Variants in OPCML observed in about 807,000 individuals in gnomAD.
The protein encoded by OPCML is opioid-binding protein/cell adhesion molecule.
OPCML carries 13 observed loss-of-function variants against 37.8 expected under a neutral mutation model. The ratio of observed to expected loss-of-function variants is 0.34; its 90% CI spans 0.22 to 0.55. OPCML has a LOEUF of 0.55. Among genes scored for constraint, OPCML ranks in the 20% least tolerant of loss-of-function variants. OPCML has a pLI of 0.91. For synonymous variants in OPCML, 176 were observed against 168.8 expected, an observed-to-expected ratio of 1.04 and a Z score of -0.33; for missense variants, 341 against 435.6, an observed-to-expected ratio of 0.78 and a Z score of 1.93.
At chr11:132,616,174 G>GTTTTAAA in intron 3 of OPCML, among the ~76,000 whole-genome samples, 2 of 152,284 alleles carry the variant, frequency 1.3e-5, no homozygotes, top group East Asian at 3.9e-4. Context: ...GGCTTTCAGT[G>GTTTTAAA]TGTTTTAAAA....
At chr11:133,331,476 T>C (rs181523507) in intron 1 of OPCML, among the ~76,000 whole-genome samples, 318 of 152,236 alleles carry the variant, frequency 2.1e-3, no homozygotes, top group Middle Eastern at 6.8e-3. Context: ...TTTTCTTATT[T>C]CTTTCTCATT....
intron 2 of OPCML, among the ~76,000 whole-genome samples, chr11:132,836,805 C>T (rs992569069): frequency 2.8e-4 from 43 of 152,106 alleles, no homozygotes; most frequent in African/African-American, 9.6e-4. Context: ...ATCTAGACCA[C>T]GGAAAAGAGC....
chr11:132,678,703 C>T (rs1942813933), intron 2 of OPCML, among the ~76,000 whole-genome samples: 1 of 152,082 alleles, frequency 6.6e-6, no homozygotes, highest in African/African-American at 2.4e-5. Flanking sequence ...ACAGAAAAAC[C>T]ATCAGTGGCT....
At chr11:133,378,962 GC>G (rs1944873094) in intron 1 of OPCML, among the ~76,000 whole-genome samples, 2 of 151,714 alleles carry the variant, frequency 1.3e-5, no homozygotes, top group South Asian at 4.2e-4. Context: ...TCACTATGTT[GC>G]CCAGGCTGGT....
intron 1 of OPCML, among the ~76,000 whole-genome samples, chr11:133,397,393 T>C (rs1565612746): frequency 6.6e-6 from 1 of 152,206 alleles, no homozygotes; most frequent in Non-Finnish European, 1.5e-5. Flanking sequence ...CTTTATTACA[T>C]TGGATAGAGA....
At chr11:132,969,747 T>A (rs1946298775) in intron 1 of OPCML, among the ~76,000 whole-genome samples, 1 of 152,204 alleles carries the variant, frequency 6.6e-6, no homozygotes, top group Admixed American at 6.5e-5. Flanking sequence ...AAATACAGAA[T>A]TTACCATTTG....
chr11:133,255,007 T>A (rs1000981187), intron 1 of OPCML, among the ~76,000 whole-genome samples: 28 of 152,240 alleles, frequency 1.8e-4, no homozygotes, highest in African/African-American at 4.8e-4. Flanking sequence ...CTAGGTTTTT[T>A]AAATCCACCA....
chr11:133,453,589 G>C (rs1946619488), intron 1 of OPCML, among the ~76,000 whole-genome samples: 2 of 152,088 alleles, frequency 1.3e-5, no homozygotes, highest in African/African-American at 4.8e-5. Context: ...TCCCTGTGCT[G>C]AGCTGTCAGC....
intron 2 of OPCML, among the ~76,000 whole-genome samples, chr11:132,789,060 T>G (rs376585220): frequency 6.9e-6 from 1 of 145,404 alleles, no homozygotes. Context: ...CCGACAAACA[T>G]TCATGTCCTT....
chr11:133,169,697 G>A (rs1377891215), intron 1 of OPCML, among the ~76,000 whole-genome samples: 1 of 152,152 alleles, frequency 6.6e-6, no homozygotes, highest in African/African-American at 2.4e-5. Flanking sequence ...TTGACAGGTG[G>A]ATCAGTGGAG....
At chr11:133,353,901 A>C (rs1944200232) in intron 1 of OPCML, among the ~76,000 whole-genome samples, 1 of 152,198 alleles carries the variant, frequency 6.6e-6, no homozygotes, top group South Asian at 2.1e-4. Context: ...CTTAGATGAC[A>C]TCAAAAAAAG....
chr11:133,457,445 G>A (rs764671538), intron 1 of OPCML, among the ~76,000 whole-genome samples: 4 of 152,044 alleles, frequency 2.6e-5, no homozygotes, highest in African/African-American at 4.8e-5. Flanking sequence ...AGGCTGAGGA[G>A]GGAGGATCAC....
At position 133,211,462 on chromosome 11, in the gene OPCML, A is replaced by G. The variant is rs563565545; in HGVS notation, c.62-268452T>C. Among the ~76,000 whole-genome samples, 1 of 152,200 alleles carries G rather than the reference A, an allele frequency of 6.6e-6. No homozygotes were observed. The highest frequency in any genetic ancestry group is 1.5e-5 in the Non-Finnish European group (1 of 68,042). On this transcript the variant is annotated intron_variant, in intron 1 of 7. Transcript: ENST00000524381. This position sits in a 1 kb window ranked among gnomAD's most constrained non-coding sequence, Gnocchi z 4.1. Reference sequence around the variant, plus strand: ...CCTGCACTACAATAAGACATTGTCAATCAGCAGCCTTGAGTCCTTGGAGAT... The same window carrying G: ...CCTGCACTACAATAAGACATTGTCAGTCAGCAGCCTTGAGTCCTTGGAGAT...
At chr11:133,218,830 C>T (rs937170434) in intron 1 of OPCML, among the ~76,000 whole-genome samples, 3 of 152,148 alleles carry the variant, frequency 2.0e-5, no homozygotes, top group Admixed American at 2.0e-4. Context: ...CATCTGACTT[C>T]AGAAATTATA....
At position 132,957,352 on chromosome 11, in the gene OPCML, G is replaced by A. The variant is rs557408636; in HGVS notation, c.62-14342C>T. Among the ~76,000 whole-genome samples the A allele has an allele frequency of 4.6e-5, 7 of 152,196 alleles. No homozygotes were observed. The South Asian group carries it at 1.5e-3, about 32-fold the overall frequency. On this transcript the variant is annotated intron_variant, in intron 1 of 7. Coordinates refer to ENST00000524381, the MANE Select transcript of OPCML (RefSeq NM_001012393.5). ...AAAAGAAAAGGAAAGAAAGGGGCAG[G>A]GGCATAACACGGGAGAGAAGCAGGA...
At chr11:132,886,703 C>T (rs1231122592) in intron 2 of OPCML, among the ~76,000 whole-genome samples, 1 of 152,224 alleles carries the variant, frequency 6.6e-6, no homozygotes, top group African/African-American at 2.4e-5. Flanking sequence ...GGCCCAGACT[C>T]CTCCCTGTGC....
At chr11:132,776,110 A>G (rs1452415416) in intron 2 of OPCML, among the ~76,000 whole-genome samples, 2 of 151,982 alleles carry the variant, frequency 1.3e-5, no homozygotes, top group East Asian at 1.9e-4. Flanking sequence ...TTGTATTTTT[A>G]TTAAAGACAG....
intron 3 of OPCML, among the ~76,000 whole-genome samples, chr11:132,549,414 C>T (rs369772057): frequency 2.6e-5 from 4 of 152,150 alleles, no homozygotes; most frequent in African/African-American, 9.7e-5. Context: ...AAGAAATAAC[C>T]ATAAGTATAT....
intron 1 of OPCML, among the ~76,000 whole-genome samples, chr11:133,271,241 T>C (rs1654628676): frequency 6.6e-6 from 1 of 152,172 alleles, no homozygotes; most frequent in Non-Finnish European, 1.5e-5. Flanking sequence ...ATAAAGTATC[T>C]CAATATCCCA....
Sources: allele counts gnomAD v4.1 joint callset (sites outside exome capture counted in the v4.1 genomes callset), GRCh38; gene constraint gnomAD v4.1.1; non-coding constraint Gnocchi (gnomAD v3.1); transcripts MANE v1.5; gene names NCBI Gene and HGNC (gene_info 2026-07-23, HGNC 2026-07-21).